The following PSMA1 variants were observed in gnomAD, a reference collection of about 807,000 sequenced individuals.
PSMA1 encodes proteasome subunit alpha type-1.
In PSMA1, 3 loss-of-function variants were observed where a neutral mutation model predicts 38.4. That is an observed-to-expected ratio of 0.08 (90% CI 0.04 to 0.20). The LOEUF (loss-of-function observed/expected upper bound fraction) is 0.20, where lower values mean the gene tolerates loss of function less well. Ranked by LOEUF, PSMA1 falls within the 10% of genes least tolerant of loss-of-function variation. The pLI, the probability that PSMA1 is intolerant of heterozygous loss-of-function variation, is 1.00. For synonymous variants in PSMA1, 101 were observed against 107.1 expected, an observed-to-expected ratio of 0.94 and a Z score of 0.35; for missense variants, 227 against 325.3, an observed-to-expected ratio of 0.70 and a Z score of 2.32.
rs566878004 is a variant in PSMA1, at chr11:14,520,328, C to T, written c.-29G>A. On this transcript the variant is annotated 5_prime_UTR_variant, in exon 1 of 10. Transcript: ENST00000396394. Reference sequence around the variant, plus strand: ...GGCGGCGCGGGCCTGGTTGCGGCCTCCAGCAAAACTGAGAATCAAGGAGGT... The same window carrying T: ...GGCGGCGCGGGCCTGGTTGCGGCCTTCAGCAAAACTGAGAATCAAGGAGGT... 22 of 1,614,228 alleles carry T rather than the reference C, an allele frequency of 1.4e-5. No individual in the cohort carries two copies. In the South Asian group the frequency reaches 2.4e-4, roughly 18 times the overall value.
At chr11:14,608,662 GTC>G (rs1188225772) in intron 2 of PSMA1, among the ~76,000 whole-genome samples, 1 of 146,966 alleles carries the variant, frequency 6.8e-6, no homozygotes, top group Non-Finnish European at 1.5e-5. Flanking sequence ...GCAAGATCCT[GTC>G]TGTATTTTAT....
At chr11:14,638,559 A>C (rs1441094210) in intron 1 of PSMA1, among the ~76,000 whole-genome samples, 683 of 13,372 alleles carry the variant, frequency 0.051, 7 homozygotes, top group Middle Eastern at 0.17. Flanking sequence ...ATATATATAT[A>C]TATATATATA....
chr11:14,566,282 G>A (rs994964080), intron 2 of PSMA1, among the ~76,000 whole-genome samples: 8 of 152,222 alleles, frequency 5.3e-5, no homozygotes, highest in African/African-American at 1.9e-4. Context: ...TTAAGCTACT[G>A]GAGTAATGCA....
chr11:14,637,036 G>T (rs2133725189), intron 1 of PSMA1, among the ~76,000 whole-genome samples: 1 of 152,256 alleles, frequency 6.6e-6, no homozygotes, highest in South Asian at 2.1e-4. Flanking sequence ...AATTGATCAT[G>T]GCTTCTCCCT....
chr11:14,597,347 G>T (rs1852510239), intron 2 of PSMA1, among the ~76,000 whole-genome samples: 1 of 152,174 alleles, frequency 6.6e-6, no homozygotes. Flanking sequence ...ACCTCTGGTA[G>T]AATTCGGTTG....
Position 14,576,564 on chromosome 11 carries a change from A to T in PSMA1, c.21+34402T>A, listed in dbSNP as rs567599339. ...CCTTTCCCCATTTCTTGTTTTTGTC[A>T]GGTTTGTCAAAGATCAGATGGTTGT... On this transcript the variant is annotated intron_variant, in intron 2 of 10. Coordinates refer to the PSMA1 transcript ENST00000418988. Among the ~76,000 whole-genome samples the T allele has an allele frequency of 9.9e-5, 15 of 152,220 alleles. No individual in the cohort carries two copies. In the South Asian group the frequency reaches 3.1e-3, roughly 32 times the overall value.
At chr11:14,565,271 G>A (rs182757497) in intron 2 of PSMA1, among the ~76,000 whole-genome samples, 1 of 152,200 alleles carries the variant, frequency 6.6e-6, no homozygotes, top group East Asian at 1.9e-4. Context: ...AGAAAGTTGT[G>A]TCTTTTATCT....
intron 2 of PSMA1, among the ~76,000 whole-genome samples, chr11:14,580,523 G>C (rs1852271115): frequency 6.6e-6 from 1 of 152,180 alleles, no homozygotes; most frequent in Non-Finnish European, 1.5e-5. Context: ...TGTTGGCCTT[G>C]TGTCCCATCT....
intron 1 of PSMA1, among the ~76,000 whole-genome samples, chr11:14,642,813 T>G (rs1429999880): frequency 1.3e-5 from 2 of 152,192 alleles, no homozygotes; most frequent in Admixed American, 1.3e-4. Flanking sequence ...GTTGCTAGTT[T>G]CACCAGTACT....
At chr11:14,561,489 A>G (rs1309666372) in intron 2 of PSMA1, among the ~76,000 whole-genome samples, 1 of 152,206 alleles carries the variant, frequency 6.6e-6, no homozygotes, top group Non-Finnish European at 1.5e-5. Flanking sequence ...TGGTTACCAC[A>G]GTGACTAGTG....
At chr11:14,582,684 ATT>A (rs71044011) in intron 2 of PSMA1, among the ~76,000 whole-genome samples, 9 of 138,816 alleles carry the variant, frequency 6.5e-5, no homozygotes, top group Admixed American at 7.3e-5. Context: ...GGCCCAGCTA[ATT>A]TTTTTTTTTT....
At chr11:14,629,775 C>T (rs1259983745) in intron 1 of PSMA1, among the ~76,000 whole-genome samples, 4 of 150,514 alleles carry the variant, frequency 2.7e-5, no homozygotes, top group South Asian at 2.1e-4. Context: ...GCCATTTTCA[C>T]GATATTGATT....
intron 2 of PSMA1, among the ~76,000 whole-genome samples, chr11:14,576,054 T>A (rs1381907182): frequency 4.6e-5 from 7 of 152,374 alleles, no homozygotes; most frequent in South Asian, 2.1e-4. Flanking sequence ...TGCATAAATG[T>A]CTTCTTTTGA....
intron 1 of PSMA1, among the ~76,000 whole-genome samples, chr11:14,625,866 T>C (rs1039490279): frequency 6.6e-6 from 1 of 152,206 alleles, no homozygotes; most frequent in East Asian, 1.9e-4. Context: ...TTGGCATTTG[T>C]TTCTCAGAGG....
chr11:14,610,781 G>A, intron 2 of PSMA1: 1 of 589,750 alleles, frequency 1.7e-6, no homozygotes, highest in Non-Finnish European at 2.9e-6. Context: ...TGATTTGCTG[G>A]ATTTGAGCAT....
rs148113283 is a variant in PSMA1, at chr11:14,620,026, G to T, written c.-165-8875C>A. Among the ~76,000 whole-genome samples the T allele has an allele frequency of 3.4e-3, 516 of 152,210 alleles. 6 individuals are homozygous for T. Among genetic ancestry groups the T allele is most frequent in the African/African-American group, 0.012 (479 of 41,524 alleles). ...TGTACCTAACAGTAAGGACAACAGT[G>T]ATTTGCTTTCTTCTTGGTTATAAAC... On this transcript the variant is annotated intron_variant, in intron 1 of 10. Coordinates refer to the PSMA1 transcript ENST00000418988.
chr11:14,635,016 G>C (rs1430408534), intron 1 of PSMA1, among the ~76,000 whole-genome samples: 2 of 152,130 alleles, frequency 1.3e-5, no homozygotes, highest in Admixed American at 6.5e-5. Context: ...AGAAATGTCT[G>C]GTCTATTTTA....
chr11:14,547,738 C>T (rs996349096), intron 2 of PSMA1, among the ~76,000 whole-genome samples: 1 of 152,164 alleles, frequency 6.6e-6, no homozygotes, highest in Non-Finnish European at 1.5e-5. Flanking sequence ...AGCCAAACAT[C>T]CAGGGCCATA....
In PSMA1 at chr11:14,510,848, A is replaced by G. The variant is rs753083068; in HGVS notation, c.624+24T>C. On this transcript the variant is annotated intron_variant, in intron 8 of 9. Transcript: ENST00000396394. ...GGTTTAAACTGTAACGTTAATATCT[A>G]CAATTGGAAAAGACAATACTTACCT... The G allele has an allele frequency of 2.6e-6, 4 of 1,535,382 alleles. No individual in the cohort carries two copies. The East Asian group carries it at 9.2e-5, about 35-fold the overall frequency.
Sources: allele counts gnomAD v4.1 joint callset (sites outside exome capture counted in the v4.1 genomes callset), GRCh38; gene constraint gnomAD v4.1.1; transcripts MANE v1.5; gene names NCBI Gene and HGNC (gene_info 2026-07-23, HGNC 2026-07-21).